The following TMEM68 variants were observed in gnomAD, a reference collection of about 807,000 sequenced individuals.
TMEM68 encodes transmembrane protein 68.
TMEM68 carries 25 observed loss-of-function variants against 36.9 expected under a neutral mutation model. The ratio of observed to expected loss-of-function variants is 0.68; its 90% CI spans 0.49 to 0.95. The LOEUF (loss-of-function observed/expected upper bound fraction) is 0.95, where lower values mean the gene tolerates loss of function less well. Ranked by LOEUF, TMEM68 falls within the 40% of genes least tolerant of loss-of-function variation. The probability of loss-of-function intolerance (pLI) is 0.00; values close to 1 mark genes in which losing one functional copy is unlikely to be tolerated. For synonymous variants in TMEM68, 131 were observed against 124.4 expected (o/e 1.05, Z -0.35); for missense variants, 333 against 392.0 (o/e 0.85, Z 1.27).
chr8:55,769,503 C>A (rs1811086900), intron 1 of TMEM68, among the ~76,000 whole-genome samples: 1 of 151,908 alleles, frequency 6.6e-6, no homozygotes, highest in African/African-American at 2.4e-5. Flanking sequence ...GAAGTTTGTG[C>A]CAGATACTAT....
intron 3 of TMEM68, among the ~76,000 whole-genome samples, chr8:55,757,544 C>T (rs1380175820): frequency 3.3e-5 from 5 of 152,108 alleles, no homozygotes; most frequent in Admixed American, 1.3e-4. Context: ...GGAAGTTTAT[C>T]TCATAGAAGA....
chr8:55,764,504 T>C (rs1030596884), intron 1 of TMEM68, among the ~76,000 whole-genome samples: 3 of 152,114 alleles, frequency 2.0e-5, no homozygotes, highest in African/African-American at 7.2e-5. Context: ...AAAAAATGAA[T>C]AAATGAAAGC....
intron 7 of TMEM68, among the ~76,000 whole-genome samples, chr8:55,740,945 C>G (rs1276185374): frequency 6.6e-6 from 1 of 152,160 alleles, no homozygotes; most frequent in Admixed American, 6.5e-5. Flanking sequence ...TAAAAATACG[C>G]CCCTTTGGCT....
rs186967024 is a variant in TMEM68 at position 55,744,707 on chromosome 8, C to T, written c.748+354G>A. On this transcript the variant is annotated intron_variant, in intron 6 of 7. Coordinates refer to ENST00000434581, the MANE Select transcript of TMEM68 (RefSeq NM_001286657.2). ...CTTAGTTCAATATCATATTTTCATCCATTTTTAAAGCTGTAACTTCTGGGG... is the reference window on the plus strand; with the variant it reads ...CTTAGTTCAATATCATATTTTCATCTATTTTTAAAGCTGTAACTTCTGGGG... 3.0e-4 allele frequency among the ~76,000 whole-genome samples: 46 copies of T among 152,240 alleles called. 1 individual carries two copies. Among genetic ancestry groups the T allele is most frequent in the Non-Finnish European group, 8.8e-5 (6 of 68,008 alleles).
chr8:55,741,971 A>C (rs1425061221), intron 7 of TMEM68, among the ~76,000 whole-genome samples: 1 of 152,086 alleles, frequency 6.6e-6, no homozygotes. Flanking sequence ...TACGACAATC[A>C]CTTGAATCTG....
intron 5 of TMEM68, among the ~76,000 whole-genome samples, chr8:55,748,732 G>C (rs1320888180): frequency 1.3e-5 from 2 of 152,022 alleles, no homozygotes; most frequent in Non-Finnish European, 2.9e-5. Flanking sequence ...TCAGCCATCT[G>C]AGTAGCTAAG....
chr8:55,752,658 A>T (rs1163287413), intron 4 of TMEM68, among the ~76,000 whole-genome samples: 1 of 151,972 alleles, frequency 6.6e-6, no homozygotes, highest in Non-Finnish European at 1.5e-5. Context: ...AACTAGATGC[A>T]TTCTCATAAT....
intron 1 of TMEM68, among the ~76,000 whole-genome samples, chr8:55,769,621 A>C (rs940636938): frequency 1.3e-4 from 20 of 151,984 alleles, no homozygotes; most frequent in African/African-American, 4.8e-4. Context: ...TATACAACTG[A>C]ACTGTGTTCG....
rs1056626554 is a variant in TMEM68 at position 55,773,296 on chromosome 8, G to A, written c.-142C>T. Reference sequence around the variant, plus strand: ...TAGAGCGGCGACAGAAGCTCTTCGGGGGATCAGTGGCCAAGGGGGCGGACA... The same window carrying A: ...TAGAGCGGCGACAGAAGCTCTTCGGAGGATCAGTGGCCAAGGGGGCGGACA... On this transcript the variant is annotated 5_prime_UTR_variant, in exon 1 of 8. Coordinates refer to ENST00000434581, the MANE Select transcript of TMEM68 (RefSeq NM_001286657.2). 3 of 215,608 alleles carry A rather than the reference G, an allele frequency of 1.4e-5. No individual in the cohort carries two copies. The South Asian group carries it at 3.0e-4, about 22-fold the overall frequency. The allele number at this position is 215,608 out of a possible 1,614,324, so 13.4% of individuals were successfully genotyped here. A position where few individuals can be genotyped will look rare whatever the true frequency, so the allele number is the denominator to read the frequency against.
At chr8:55,746,970 T>C (rs1810299174) in intron 5 of TMEM68, 1 of 152,212 alleles carries the variant, frequency 6.6e-6, no homozygotes, top group Non-Finnish European at 1.5e-5. Flanking sequence ...ACAATGCTTC[T>C]AAATGAATTA....
At chr8:55,745,353 C>T (rs1376781231) in intron 5 of TMEM68, 7 of 257,808 alleles carry the variant, frequency 2.7e-5, no homozygotes, top group African/African-American at 8.9e-5. Flanking sequence ...AGCATGGGGG[C>T]GTGAGGGGAT....
intron 6 of TMEM68, 33 bp from the exon 7 acceptor site, chr8:55,743,653 G>A (rs1810173888): frequency 7.3e-7 from 1 of 1,372,632 alleles, no homozygotes; most frequent in East Asian, 3.0e-5. Flanking sequence ...ATTTTAACTT[G>A]TTAAGTATTC....
At position 55,740,138 on chromosome 8, in the gene TMEM68, A is replaced by G. The variant is rs1563424182; in HGVS notation, c.969T>C (p.Phe323=). Residue 323 remains phenylalanine, a synonymous_variant, in exon 8 of 8, where the codon TTT becomes TTC. Coordinates refer to ENST00000434581, the MANE Select transcript of TMEM68 (RefSeq NM_001286657.2). The part of the protein sequence containing the change: ...GNIMSALLER[F]H ...TCTAGTTGACCCTTTGTTATCAATG[A>G]AAACGTTCTAACAAAGCACTCATAA... 3 of 1,612,262 alleles carry G rather than the reference A, an allele frequency of 1.9e-6. No individual in the cohort carries two copies. The highest frequency in any genetic ancestry group is 4.5e-5 in the East Asian group (2 of 44,812).
At chr8:55,745,242 C>T (rs4738457) in intron 5 of TMEM68, 121 bp from the exon 6 acceptor site, 341,195 of 497,754 alleles carry the variant, frequency 0.69, 117,620 homozygotes, top group African/African-American at 0.74. Context: ...ATGGCCATGC[C>T]ACCCTGAACA....
chr8:55,745,200 C>CTTT, intron 5 of TMEM68, 79 bp from the exon 6 acceptor site: 1 of 784,806 alleles, frequency 1.3e-6, no homozygotes, highest in South Asian at 2.8e-5. Flanking sequence ...CTAATGCAAA[C>CTTT]TTTTTTTTTT....
intron 1 of TMEM68, among the ~76,000 whole-genome samples, chr8:55,767,991 G>A (rs973104716): frequency 6.6e-6 from 1 of 152,142 alleles, no homozygotes; most frequent in African/African-American, 2.4e-5. Flanking sequence ...CATTTTAGAA[G>A]TTGGGAAGAC....
intron 7 of TMEM68, among the ~76,000 whole-genome samples, chr8:55,740,889 G>A (rs1201658458): frequency 2.0e-5 from 3 of 151,926 alleles, no homozygotes; most frequent in Non-Finnish European, 4.4e-5. Context: ...TCCTTTTCTA[G>A]ACTTTAACCT....
chr8:55,754,183 T>C (rs1810502412), intron 4 of TMEM68, among the ~76,000 whole-genome samples: 1 of 149,314 alleles, frequency 6.7e-6, no homozygotes, highest in South Asian at 2.1e-4. Context: ...ACCAGCACTT[T>C]GGGAGGGTGA....
At position 55,740,191 on chromosome 8, in the gene TMEM68, C is replaced by G. The variant is rs1002029310; in HGVS notation, c.916G>C (p.Asp306His). The G allele has an allele frequency of 7.4e-6, 12 of 1,613,242 alleles. No individual in the cohort carries two copies. The African/African-American group carries it at 1.5e-4, about 20-fold the overall frequency. ...TTTCCTGGTATTCTTTGGTGCTTAT[C>G]AATCAAAGCTTGAACAGCATTCTTC... Reference protein sequence around the residue: ...KTKNAVQALIDKHQRIPGNIM... With the variant: ...KTKNAVQALIHKHQRIPGNIM... Residue 306 changes from aspartate (D) to histidine (H), a missense_variant, in exon 8 of 8, where the codon GAT (aspartate) becomes CAT (histidine). Transcript: ENST00000434581.
Sources: gnomAD v4.1 joint callset for allele counts (sites outside exome capture counted in the v4.1 genomes callset) on GRCh38, gnomAD v4.1.1 for gene constraint, MANE v1.5 for transcripts, NCBI Gene and HGNC (gene_info 2026-07-23, HGNC 2026-07-21) for gene names.